The following FAM240B variants were observed in gnomAD, a reference collection of about 807,000 sequenced individuals.
The protein encoded by FAM240B is protein FAM240B.
intron 1 of FAM240B, among the ~76,000 whole-genome samples, chr9:38,713,051 A>G (rs934008255): frequency 6.6e-6 from 1 of 152,202 alleles, no homozygotes; most frequent in Non-Finnish European, 1.5e-5. Context: ...CTGCGTGCTC[A>G]ATCCTGCCAG....
intron 1 of FAM240B, among the ~76,000 whole-genome samples, chr9:38,715,351 G>A (rs376649686): frequency 2.2e-4 from 33 of 152,350 alleles, no homozygotes; most frequent in African/African-American, 7.7e-4. Flanking sequence ...CCAGTTTTCA[G>A]TGGAAAAGGC....
chr9:38,702,009 T>C (rs1821134027), intron 2 of FAM240B, among the ~76,000 whole-genome samples: 1 of 152,178 alleles, frequency 6.6e-6, no homozygotes, highest in Non-Finnish European at 1.5e-5. Context: ...ATACTATATA[T>C]ATAAAAGTTT....
At chr9:38,712,945 C>G (rs1821271477) in intron 1 of FAM240B, among the ~76,000 whole-genome samples, 1 of 152,034 alleles carries the variant, frequency 6.6e-6, no homozygotes, top group East Asian at 1.9e-4. Context: ...TTCGTGTGCC[C>G]TAGAAAAATA....
chr9:38,701,218 C>T (rs1563999341), intron 2 of FAM240B, among the ~76,000 whole-genome samples: 1 of 152,170 alleles, frequency 6.6e-6, no homozygotes, highest in East Asian at 1.9e-4. Context: ...TTGGGGGAGG[C>T]AGAGCCCACA....
At chr9:38,696,145 C>T (rs1348061113) in intron 2 of FAM240B, among the ~76,000 whole-genome samples, 2 of 151,888 alleles carry the variant, frequency 1.3e-5, no homozygotes, top group Non-Finnish European at 2.9e-5. Context: ...GCTCTGAGGT[C>T]CTGGGTTTAG....
chr9:38,714,608 G>A (rs1438012712), intron 1 of FAM240B, among the ~76,000 whole-genome samples: 1 of 152,198 alleles, frequency 6.6e-6, no homozygotes, highest in Non-Finnish European at 1.5e-5. Context: ...TGGATATCAT[G>A]TGTCCCTTGA....
intron 1 of FAM240B, among the ~76,000 whole-genome samples, chr9:38,708,441 T>C (rs183499429): frequency 0.011 from 1,726 of 151,802 alleles, 13 homozygotes; most frequent in South Asian, 0.018. Context: ...TCACTAGGGG[T>C]CATGTAGACA....
chr9:38,701,740 A>G (rs1445936335), intron 2 of FAM240B, among the ~76,000 whole-genome samples: 1 of 152,200 alleles, frequency 6.6e-6, no homozygotes, highest in Non-Finnish European at 1.5e-5. Context: ...GTTAGAGGAA[A>G]CTGCTCCAAA....
intron 1 of FAM240B, among the ~76,000 whole-genome samples, chr9:38,710,987 C>T (rs565424347): frequency 9.9e-5 from 15 of 152,230 alleles, no homozygotes; most frequent in South Asian, 8.3e-4. Flanking sequence ...CACCCAGCCA[C>T]GGGACAGAGA....
intron 1 of FAM240B, among the ~76,000 whole-genome samples, chr9:38,711,850 G>A (rs1044781225): frequency 6.6e-6 from 1 of 151,920 alleles, no homozygotes; most frequent in African/African-American, 2.4e-5. Context: ...TAGAGATGGG[G>A]TTTCAGCATG....
chr9:38,702,914 G>A (rs7854768), intron 2 of FAM240B, among the ~76,000 whole-genome samples: 42,119 of 152,054 alleles, frequency 0.28, 6,078 homozygotes, highest in African/African-American at 0.34. Flanking sequence ...CATAAATAAC[G>A]TAACTTCATT....
intron 1 of FAM240B, among the ~76,000 whole-genome samples, chr9:38,709,513 G>A (rs1266050459): frequency 6.6e-6 from 1 of 152,164 alleles, no homozygotes; most frequent in Non-Finnish European, 1.5e-5. Flanking sequence ...CCTGGCCCAG[G>A]CAGAGACAAT....
rs1821049477 is a variant in FAM240B, at chr9:38,694,862, C to T, written c.151G>A (p.Glu51Lys). The T allele has an allele frequency of 5.0e-6, 2 of 398,830 alleles. No individual in the cohort carries two copies. The highest frequency in any genetic ancestry group is 2.1e-5 in the African/African-American group (1 of 48,766). 24.7% of individuals were successfully genotyped at this position (398,830 alleles called of 1,614,324 possible). A position where few individuals can be genotyped will look rare whatever the true frequency, so the allele number is the denominator to read the frequency against. The change falls in exon 3 of 3, where the codon GAA becomes AAA. Residue 51 changes from glutamate to lysine, a missense_variant. Glu to Lys is a moderately conservative substitution (Grantham distance 56). Transcript: ENST00000637493. ...CTCTCCAGCCTCTGCCTCCATTCTT[C>T]TCTGAGTCTGCGGAGGGGAAACCGT... ...QERSALKKLR[E>K]EWRQRLERRL... is the part of the protein sequence containing the mutation.
chr9:38,716,195 G>A lies in FAM240B; in HGVS notation c.-4+3827C>T, dbSNP rs10973994. Among the ~76,000 whole-genome samples the A allele has an allele frequency of 3.9e-5, 6 of 152,176 alleles. No homozygotes were observed. In the South Asian group the frequency reaches 1.0e-3, roughly 26 times the overall value. ...TTACTTAATATGGTGCCCTTGGCCCGGTGCGGTGGCTCAAGCCAGTAATCT... is the reference window on the plus strand; with the variant it reads ...TTACTTAATATGGTGCCCTTGGCCCAGTGCGGTGGCTCAAGCCAGTAATCT... On this transcript the variant is annotated intron_variant, in intron 1 of 2. Coordinates refer to ENST00000637493, the MANE Select transcript of FAM240B (RefSeq NM_001394922.1).
intron 1 of FAM240B, among the ~76,000 whole-genome samples, chr9:38,716,235 G>A (rs573271406): frequency 7.2e-5 from 11 of 152,298 alleles, no homozygotes; most frequent in African/African-American, 2.6e-4. Context: ...ACTTTGGGAG[G>A]CTGAAGCAGG....
intron 1 of FAM240B, among the ~76,000 whole-genome samples, chr9:38,714,676 G>A (rs1192935695): frequency 1.3e-5 from 2 of 152,196 alleles, no homozygotes; most frequent in East Asian, 3.8e-4. Context: ...CCAGAATGCT[G>A]TCTATTCATG....
At chr9:38,712,438 A>G (rs534870394) in intron 1 of FAM240B, among the ~76,000 whole-genome samples, 2 of 152,352 alleles carry the variant, frequency 1.3e-5, no homozygotes, top group African/African-American at 2.4e-5. Context: ...ATCATTATCT[A>G]TATTTCTATT....
At chr9:38,718,637 C>A (rs903938616) in intron 1 of FAM240B, among the ~76,000 whole-genome samples, 1 of 152,038 alleles carries the variant, frequency 6.6e-6, no homozygotes, top group Middle Eastern at 3.2e-3. Context: ...ATACATTTCT[C>A]AGTTCAATTT....
At chr9:38,707,918 T>C (rs1056681505) in intron 1 of FAM240B, among the ~76,000 whole-genome samples, 2 of 152,104 alleles carry the variant, frequency 1.3e-5, no homozygotes, top group African/African-American at 4.8e-5. Context: ...TCTGTTTTCA[T>C]AGAGTAGCTT....
Sources: gnomAD v4.1 joint callset for allele counts (sites outside exome capture counted in the v4.1 genomes callset) on GRCh38, gnomAD v4.1.1 for gene constraint, MANE v1.5 for transcripts, NCBI Gene and HGNC (gene_info 2026-07-23, HGNC 2026-07-21) for gene names.